IPO11: variants seen among roughly 807,000 people sequenced by gnomAD.
IPO11 encodes importin-11.
A neutral mutation model predicts 143.2 loss-of-function variants in IPO11; 66 were observed. That is an observed-to-expected ratio of 0.46 (90% CI 0.38 to 0.57). The LOEUF (loss-of-function observed/expected upper bound fraction) is 0.57. Ranked by LOEUF, IPO11 falls within the 20% of genes least tolerant of loss-of-function variation. The pLI is 0.00. For synonymous variants in IPO11, 385 were observed against 377.8 expected (o/e 1.02, Z -0.22); for missense variants, 1,026 against 1,141.0 (o/e 0.90, Z 1.45).
chr5:62,594,007 TC>T (rs764946722), intron 28 of IPO11, among the ~76,000 whole-genome samples: 1 of 152,180 alleles, frequency 6.6e-6, no homozygotes, highest in Non-Finnish European at 1.5e-5. Context: ...GCTTTCAACT[TC>T]CCCTTCCTGT....
At chr5:62,475,791 A>ATG (rs1745938006) in intron 8 of IPO11, among the ~76,000 whole-genome samples, 1 of 152,194 alleles carries the variant, frequency 6.6e-6, no homozygotes, top group Non-Finnish European at 1.5e-5. Flanking sequence ...TCACTACCCC[A>ATG]TGTGAGAGAC....
intron 21 of IPO11, among the ~76,000 whole-genome samples, chr5:62,526,972 C>T (rs1190307342): frequency 6.6e-6 from 1 of 150,562 alleles, no homozygotes; most frequent in African/African-American, 2.4e-5. Flanking sequence ...CTTCATCCCT[C>T]CCTCCCTCCC....
intron 20 of IPO11, 78 bp downstream of exon 20, chr5:62,515,579 A>G (rs535175888): frequency 9.2e-5 from 76 of 828,660 alleles, no homozygotes; most frequent in Non-Finnish European, 1.1e-5. Context: ...AATTGTTTTT[A>G]TGTGATTTAT....
In IPO11 at chr5:62,618,654, A is replaced by G. The variant is rs547771469; in HGVS notation, c.2764-8500A>G. On this transcript the variant is annotated intron_variant, in intron 29 of 29. Coordinates refer to ENST00000325324, the MANE Select transcript of IPO11 (RefSeq NM_016338.5). ...TGTACATGCAAGTCTAGGCTAATCA[A>G]TGGAAAAATCTTTTCAGGACAGTTT... is the stretch of plus-strand genomic sequence containing the variant. 4.6e-5 allele frequency among the ~76,000 whole-genome samples: 7 copies of G among 152,320 alleles called. No homozygotes were observed. The South Asian group carries it at 1.4e-3, about 32-fold the overall frequency.
intron 24 of IPO11, among the ~76,000 whole-genome samples, chr5:62,541,919 T>G (rs1305607185): frequency 1.3e-5 from 2 of 152,128 alleles, no homozygotes; most frequent in Non-Finnish European, 2.9e-5. Context: ...ATACTTGAAT[T>G]AACAAATTTG....
chr5:62,486,967 A>G (rs894916940), intron 12 of IPO11, among the ~76,000 whole-genome samples: 1 of 152,134 alleles, frequency 6.6e-6, no homozygotes, highest in Non-Finnish European at 1.5e-5. Context: ...TTAAAAATTT[A>G]ATTAAAAAAT....
intron 5 of IPO11, among the ~76,000 whole-genome samples, chr5:62,456,640 C>A (rs949989577): frequency 1.3e-5 from 2 of 152,180 alleles, no homozygotes; most frequent in Admixed American, 1.3e-4. Flanking sequence ...AGGGATTAAT[C>A]TTAAATTTTT....
chr5:62,545,512 G>A (rs927748454), intron 24 of IPO11, among the ~76,000 whole-genome samples: 3 of 152,144 alleles, frequency 2.0e-5, no homozygotes, highest in Non-Finnish European at 4.4e-5. Flanking sequence ...GAAAACCTAG[G>A]CAATACAATT....
intron 1 of IPO11, among the ~76,000 whole-genome samples, chr5:62,436,429 C>T (rs1483747663): frequency 6.6e-6 from 1 of 152,176 alleles, no homozygotes; most frequent in Non-Finnish European, 1.5e-5. Context: ...CTGAGAACTT[C>T]GACTTATTTT....
At chr5:62,470,422 A>G (rs1745724346) in intron 7 of IPO11, 114 bp downstream of exon 7, 2 of 916,242 alleles carry the variant, frequency 2.2e-6, no homozygotes, top group South Asian at 2.9e-5. Flanking sequence ...TTAAGTGACC[A>G]TCTAGTTTTT....
chr5:62,607,388 T>C (rs13166922), intron 29 of IPO11, among the ~76,000 whole-genome samples: 1 of 152,120 alleles, frequency 6.6e-6, no homozygotes, highest in East Asian at 1.9e-4. Context: ...TTTTAAACTC[T>C]CTCTGGATGA....
intron 1 of IPO11, among the ~76,000 whole-genome samples, chr5:62,435,212 G>GTATATATGTATATA (rs1744173274): frequency 1.3e-5 from 1 of 79,680 alleles, no homozygotes; most frequent in African/African-American, 5.5e-5. Flanking sequence ...ATATATATGT[G>GTATATATGTATATA]TATATATATA....
rs1447447663 is a variant in IPO11 at position 62,627,134 on chromosome 5, C to A, written c.2764-20C>A. 3 of 1,604,476 alleles carry A rather than the reference C, an allele frequency of 1.9e-6. No individual in the cohort carries two copies. The highest frequency in any genetic ancestry group is 1.7e-5 in the Admixed American group (1 of 59,454). ...TTGTTTTGCTTTTTTGACAGTCTTG[C>A]TCCTCTCTGTATCCCACAGCTGGCC... On this transcript the variant is annotated intron_variant, in intron 29 of 29. Coordinates refer to ENST00000325324, the MANE Select transcript of IPO11 (RefSeq NM_016338.5).
chr5:62,624,893 G>A (rs952407751), intron 29 of IPO11, among the ~76,000 whole-genome samples: 3 of 150,554 alleles, frequency 2.0e-5, no homozygotes, highest in African/African-American at 7.3e-5. Flanking sequence ...GCTGAGGCAG[G>A]AGAATGGCGT....
intron 24 of IPO11, among the ~76,000 whole-genome samples, chr5:62,541,182 A>AC (rs1742922773): frequency 6.6e-6 from 1 of 151,774 alleles, no homozygotes; most frequent in Admixed American, 6.6e-5. Flanking sequence ...GACCAGCCTG[A>AC]CCAACATGGA....
rs1463509636 is a variant in IPO11, at chr5:62,598,533, T to C, written c.2679-3231T>C. ...TTCTTTCTTTCTTTCTTTCTTTTCT[T>C]TCTTTTCTTTCTTTTCTTTCTTTTT... is the stretch of plus-strand genomic sequence containing the variant. On this transcript the variant is annotated intron_variant, in intron 28 of 29. Coordinates refer to ENST00000325324, the MANE Select transcript of IPO11 (RefSeq NM_016338.5). 2.3e-4 allele frequency among the ~76,000 whole-genome samples: 4 copies of C among 17,134 alleles called. No individual in the cohort carries two copies. The African/African-American group carries it at 3.2e-3, about 14-fold the overall frequency. 11.2% of individuals were successfully genotyped at this position (17,134 alleles called of 152,430 possible).
intron 15 of IPO11, among the ~76,000 whole-genome samples, chr5:62,493,666 T>C (rs1478091328): frequency 4.6e-5 from 7 of 152,034 alleles, no homozygotes; most frequent in Non-Finnish European, 1.0e-4. Context: ...CTCTTGGGTT[T>C]CAAGGGATTC....
chr5:62,473,066 A>G (rs1046993723), intron 7 of IPO11, among the ~76,000 whole-genome samples: 2 of 152,120 alleles, frequency 1.3e-5, no homozygotes, highest in Non-Finnish European at 2.9e-5. Context: ...TTGCTGTTTC[A>G]TTGTTCTGTT....
intron 15 of IPO11, 48 bp from the exon 16 acceptor site, chr5:62,493,950 C>A (rs1167985636): frequency 2.0e-6 from 3 of 1,485,256 alleles, no homozygotes; most frequent in Non-Finnish European, 2.8e-6. Flanking sequence ...AAGAAATAGA[C>A]CTCTTAAAAT....
Sources: allele counts gnomAD v4.1 joint callset (sites outside exome capture counted in the v4.1 genomes callset), GRCh38; gene constraint gnomAD v4.1.1; transcripts MANE v1.5; gene names NCBI Gene and HGNC (gene_info 2026-07-23, HGNC 2026-07-21).